Variants in TMEM117 observed in about 807,000 individuals in gnomAD.
The protein encoded by TMEM117 is transmembrane protein 117.
A neutral mutation model predicts 52.4 loss-of-function variants in TMEM117; 27 were observed. That is an observed-to-expected ratio of 0.51 (90% CI 0.38 to 0.71). The LOEUF (loss-of-function observed/expected upper bound fraction) is 0.71. Among genes scored for constraint, TMEM117 ranks in the 30% least tolerant of loss-of-function variants. TMEM117 has a pLI of 0.00. For missense variants in TMEM117, 556 were observed against 630.5 expected (o/e 0.88, Z 1.26); for synonymous variants, 215 against 206.3 (o/e 1.04, Z -0.36).
chr12:44,318,360 A>G (rs1225218990), intron 6 of TMEM117: 1 of 152,132 alleles, frequency 6.6e-6, no homozygotes, highest in Admixed American at 6.5e-5. Context: ...ACTCTAATCT[A>G]TGTACGTTAA....
chr12:43,999,523 G>A (rs891557522), intron 3 of TMEM117, among the ~76,000 whole-genome samples: 10 of 152,104 alleles, frequency 6.6e-5, no homozygotes, highest in African/African-American at 1.4e-4. Context: ...TGTGTTGCCC[G>A]GGCTGGAGTG....
intron 4 of TMEM117, among the ~76,000 whole-genome samples, chr12:44,180,332 G>T (rs565328079): frequency 6.7e-6 from 1 of 150,250 alleles, no homozygotes; most frequent in East Asian, 1.9e-4. Flanking sequence ...AAACAACGAT[G>T]TAAAAGAACT....
intron 5 of TMEM117, among the ~76,000 whole-genome samples, chr12:44,234,408 C>T (rs929682240): frequency 2.0e-5 from 3 of 151,198 alleles, no homozygotes; most frequent in Non-Finnish European, 4.4e-5. Context: ...TTAATTTTCT[C>T]TTAGTATCTT....
At chr12:44,003,828 A>G (rs1354291537) in intron 3 of TMEM117, among the ~76,000 whole-genome samples, 1 of 151,942 alleles carries the variant, frequency 6.6e-6, no homozygotes, top group Non-Finnish European at 1.5e-5. Flanking sequence ...TGGACATATG[A>G]TTTTTCTCTT....
chr12:43,907,604 T>C (rs1234233569), intron 2 of TMEM117, among the ~76,000 whole-genome samples: 1 of 146,192 alleles, frequency 6.8e-6, no homozygotes, highest in African/African-American at 2.5e-5. Context: ...TTGAAAAAAA[T>C]TTAGAAGAAT....
intron 3 of TMEM117, among the ~76,000 whole-genome samples, chr12:43,956,361 T>C (rs1245745383): frequency 6.6e-6 from 1 of 152,058 alleles, no homozygotes; most frequent in Non-Finnish European, 1.5e-5. Flanking sequence ...AGACAACTTA[T>C]GGAATGGGAG....
At chr12:44,376,849 A>G in intron 7 of TMEM117, 125 bp downstream of exon 7, 2 of 1,081,996 alleles carry the variant, frequency 1.8e-6, no homozygotes, top group Non-Finnish European at 2.5e-6. Context: ...TCATTCACTT[A>G]ACAGTGCAAG....
At position 44,388,120 on chromosome 12, in the gene TMEM117, G is replaced by T; in HGVS notation, c.993G>T (p.Gly331=). 1 of 1,612,988 alleles carries T rather than the reference G, an allele frequency of 6.2e-7. No homozygotes were observed. Among genetic ancestry groups the T allele is most frequent in the Non-Finnish European group, 8.5e-7 (1 of 1,179,500 alleles). ...TATTTTATAAACCTCATGAATATGG[G>T]CAATATATCGGCCCGGGGCAGAAGA... ...NQIFYKPHEY[G]QYIGPGQKIY... Residue 331 remains glycine, a synonymous_variant, in exon 8 of 8, where the codon GGG becomes GGT. Transcript: ENST00000266534.
chr12:44,254,011 C>CAAA lies in TMEM117; in HGVS notation c.608+42639_608+42641dup, dbSNP rs199912435. ...TTTTTTCCCCTTCACCTCATTTGAC[C>CAAA]AAAAAAAAAAAAAAAAACATAGAAG... On this transcript the variant is annotated intron_variant, in intron 5 of 7. Coordinates refer to ENST00000266534, the MANE Select transcript of TMEM117 (RefSeq NM_032256.3). Among the ~76,000 whole-genome samples the CAAA allele has an allele frequency of 5.0e-3, 447 of 90,062 alleles. 6 individuals are homozygous for CAAA. The highest frequency in any genetic ancestry group is 0.015 in the African/African-American group (429 of 28,670). 59.1% of individuals were successfully genotyped at this position (90,062 alleles called of 152,430 possible). A position where few individuals can be genotyped will look rare whatever the true frequency, so the allele number is the denominator to read the frequency against.
chr12:44,247,184 A>T (rs1950141120), intron 5 of TMEM117, among the ~76,000 whole-genome samples: 1 of 152,208 alleles, frequency 6.6e-6, no homozygotes, highest in Admixed American at 6.5e-5. Context: ...GTTCACTTGT[A>T]TGATTGCTGC....
At position 44,330,889 on chromosome 12, in the gene TMEM117, C is replaced by A. The variant is rs543068063; in HGVS notation, c.768+31150C>A. 2.5e-3 allele frequency among the ~76,000 whole-genome samples: 385 copies of A among 152,158 alleles called. 2 individuals are homozygous for A. The highest frequency in any genetic ancestry group is 4.3e-3 in the Non-Finnish European group (290 of 67,960). On this transcript the variant is annotated intron_variant, in intron 6 of 7. Transcript: ENST00000266534. ...GGATAGAAGTAGCAACAGGGTCTCA[C>A]TATTTTGTTATATTACTATAAGGTA...
chr12:43,937,589 G>A (rs771711697), intron 2 of TMEM117, among the ~76,000 whole-genome samples: 2 of 152,200 alleles, frequency 1.3e-5, no homozygotes, highest in Non-Finnish European at 2.9e-5. Context: ...ACAGAATTTA[G>A]GAGGTGGCTT....
At chr12:44,125,509 T>A (rs1948310196) in intron 3 of TMEM117, among the ~76,000 whole-genome samples, 1 of 152,178 alleles carries the variant, frequency 6.6e-6, no homozygotes, top group South Asian at 2.1e-4. Context: ...GAAGTATTTA[T>A]TTATAGTATT....
At chr12:43,997,155 A>C (rs1946045131) in intron 3 of TMEM117, among the ~76,000 whole-genome samples, 1 of 152,216 alleles carries the variant, frequency 6.6e-6, no homozygotes, top group South Asian at 2.1e-4. Context: ...TAAGCTGGAA[A>C]GTGGTAGAAC....
intron 4 of TMEM117, among the ~76,000 whole-genome samples, chr12:44,157,849 G>A (rs116213100): frequency 0.011 from 1,749 of 152,190 alleles, 21 homozygotes; most frequent in South Asian, 0.052. Flanking sequence ...ATTGAGGAAT[G>A]AAAAACTTTA....
chr12:43,880,441 A>G (rs1317191399), intron 2 of TMEM117, among the ~76,000 whole-genome samples: 1 of 151,560 alleles, frequency 6.6e-6, no homozygotes, highest in Admixed American at 6.6e-5. Flanking sequence ...TCAGCTACTC[A>G]TGTCTAATTT....
intron 4 of TMEM117, among the ~76,000 whole-genome samples, chr12:44,144,263 T>G (rs924600732): frequency 1.3e-5 from 2 of 152,196 alleles, no homozygotes; most frequent in Non-Finnish European, 2.9e-5. Context: ...CTGTTTTTAA[T>G]CATTGGGTTA....
At chr12:44,228,244 C>G (rs761910784) in intron 5 of TMEM117, among the ~76,000 whole-genome samples, 6 of 151,714 alleles carry the variant, frequency 4.0e-5, no homozygotes, top group Non-Finnish European at 8.8e-5. Flanking sequence ...TGCAGTCACC[C>G]CGAGAGAGAT....
intron 4 of TMEM117, among the ~76,000 whole-genome samples, chr12:44,192,540 G>A (rs1592595061): frequency 6.6e-6 from 1 of 152,134 alleles, no homozygotes; most frequent in Non-Finnish European, 1.5e-5. Flanking sequence ...ATGAACTGAA[G>A]TTTCCAAGAG....
Sources: gnomAD v4.1 joint callset for allele counts (sites outside exome capture counted in the v4.1 genomes callset) on GRCh38, gnomAD v4.1.1 for gene constraint, MANE v1.5 for transcripts, NCBI Gene and HGNC (gene_info 2026-07-23, HGNC 2026-07-21) for gene names.